UCHL1: variants seen among roughly 807,000 people sequenced by gnomAD.
UCHL1 encodes ubiquitin carboxyl-terminal hydrolase isozyme L1.
Under a neutral mutation model 33.3 loss-of-function variants are expected in UCHL1, and 5 were observed. That is an observed-to-expected ratio of 0.15 (90% CI 0.08 to 0.32). UCHL1 has a LOEUF of 0.32. Among genes scored for constraint, UCHL1 ranks in the 10% least tolerant of loss-of-function variants. The pLI is 1.00. For missense variants in UCHL1, 236 were observed against 280.0 expected, an observed-to-expected ratio of 0.84 and a Z score of 1.12; for synonymous variants, 132 against 108.8, an observed-to-expected ratio of 1.21 and a Z score of -1.33.
chr4:41,262,989 T>C (rs1781096947), intron 6 of UCHL1, among the ~76,000 whole-genome samples: 2 of 152,190 alleles, frequency 1.3e-5, no homozygotes, highest in Admixed American at 6.5e-5. Flanking sequence ...TCTCTAAGCC[T>C]CAATTTTCTC....
Position 41,260,816 on chromosome 4 carries a change from G to C in UCHL1, c.325+19G>C, listed in dbSNP as rs769407848. ...GGATTTGGTAGGTGTGGGTTTTGAG[G>C]CCAGCCATCCTAAGCTTGAACTTGA... is the stretch of plus-strand genomic sequence containing the variant. On this transcript the variant is annotated intron_variant, in intron 4 of 8. Coordinates refer to ENST00000284440, the MANE Select transcript of UCHL1 (RefSeq NM_004181.5). 6.2e-7 allele frequency: 1 copy of C among 1,614,072 alleles called. No individual in the cohort carries two copies. Among genetic ancestry groups the C allele is most frequent in the Non-Finnish European group, 8.5e-7 (1 of 1,179,968 alleles).
rs1470641701 is a variant in UCHL1, at chr4:41,268,138, C to A, written c.*65C>A. The stretch of plus-strand genomic sequence containing the variant: ...TTCAACATGAAAATATATACCCCCC[C>A]ATGCAGTCTAAAATGCTTCAGTACT... On this transcript the variant is annotated 3_prime_UTR_variant, in exon 9 of 9. Coordinates refer to ENST00000284440, the MANE Select transcript of UCHL1 (RefSeq NM_004181.5). The A allele has an allele frequency of 1.4e-6, 2 of 1,447,176 alleles. No homozygotes were observed. The highest frequency in any genetic ancestry group is 2.3e-5 in the East Asian group (1 of 43,208). 89.6% of individuals were successfully genotyped at this position (1,447,176 alleles called of 1,614,324 possible). A position where few individuals can be genotyped will look rare whatever the true frequency, so the allele number is the denominator to read the frequency against.
intron 3 of UCHL1, among the ~76,000 whole-genome samples, chr4:41,258,608 G>A (rs1781022415): frequency 6.6e-6 from 1 of 152,138 alleles, no homozygotes; most frequent in Admixed American, 6.5e-5. Context: ...TCACTTGACC[G>A]CTGATGTGGG....
At chr4:41,258,527 G>A (rs1379003620) in intron 3 of UCHL1, among the ~76,000 whole-genome samples, 1 of 152,080 alleles carries the variant, frequency 6.6e-6, no homozygotes, top group Non-Finnish European at 1.5e-5. Context: ...GGATAGCTAG[G>A]ATATTTGCAG....
intron 6 of UCHL1, among the ~76,000 whole-genome samples, chr4:41,262,427 C>G (rs1289194116): frequency 6.6e-6 from 1 of 152,138 alleles, no homozygotes; most frequent in Non-Finnish European, 1.5e-5. Context: ...GTCTGGGTGA[C>G]CCTGTCTCAA....
chr4:41,262,444 A>G (rs1358304976), intron 6 of UCHL1, among the ~76,000 whole-genome samples: 1 of 152,158 alleles, frequency 6.6e-6, no homozygotes, highest in African/African-American at 2.4e-5. Context: ...TCAATAACAG[A>G]AACAAATGAG....
At chr4:41,266,059 G>A (rs1781147578) in intron 8 of UCHL1, among the ~76,000 whole-genome samples, 1 of 152,098 alleles carries the variant, frequency 6.6e-6, no homozygotes, top group Admixed American at 6.5e-5. Flanking sequence ...CACATGAGTA[G>A]AATTTATAAG....
At chr4:41,258,561 T>A (rs1483074516) in intron 3 of UCHL1, among the ~76,000 whole-genome samples, 1 of 152,142 alleles carries the variant, frequency 6.6e-6, no homozygotes, top group Non-Finnish European at 1.5e-5. Context: ...GGAATCCCAG[T>A]CATTAGCGCA....
chr4:41,264,038 C>G, intron 7 of UCHL1, 65 bp from the exon 8 acceptor site: 1 of 1,604,294 alleles, frequency 6.2e-7, no homozygotes, highest in East Asian at 2.2e-5. Flanking sequence ...TCCATCTAGG[C>G]TAGGTAAGCA....
chr4:41,259,778 C>T (rs913684448), intron 3 of UCHL1, among the ~76,000 whole-genome samples: 7 of 152,180 alleles, frequency 4.6e-5, no homozygotes, highest in Non-Finnish European at 1.0e-4. Flanking sequence ...GATCCTCCTG[C>T]CTCAGCCTCC....
At chr4:41,260,058 G>GC (rs1238505868) in intron 3 of UCHL1, among the ~76,000 whole-genome samples, 1 of 152,164 alleles carries the variant, frequency 6.6e-6, no homozygotes, top group Non-Finnish European at 1.5e-5. Flanking sequence ...TAAAATCACA[G>GC]CCCAATACCC....
intron 4 of UCHL1, 83 bp downstream of exon 4, chr4:41,260,880 AGATGCTGTACCTTTT>A (rs1367757312): frequency 6.9e-6 from 11 of 1,592,198 alleles, no homozygotes; most frequent in Non-Finnish European, 8.6e-6. Context: ...CCGAGGTCAG[AGATGCTGTACCTTTT>A]GAAACCATTT....
At chr4:41,263,138 C>T (rs1781099773) in intron 6 of UCHL1, 87 bp from the exon 7 acceptor site, 9 of 1,031,290 alleles carry the variant, frequency 8.7e-6, no homozygotes, top group South Asian at 1.3e-5. Flanking sequence ...AAAATCAAGT[C>T]AGTTCAAGCA....
intron 4 of UCHL1, 26 bp from the exon 5 acceptor site, chr4:41,261,689 A>G (rs753316777): frequency 5.6e-6 from 9 of 1,601,426 alleles, no homozygotes; most frequent in Non-Finnish European, 7.7e-6. Context: ...TTTTACCTAT[A>G]CTAACACATC....
chr4:41,264,937 A>ACC (rs1343352892), intron 8 of UCHL1, among the ~76,000 whole-genome samples: 1 of 152,248 alleles, frequency 6.6e-6, no homozygotes, highest in African/African-American at 2.4e-5. Context: ...CTGTGTGCAG[A>ACC]CCAGGACTCA....
At chr4:41,257,566 C>T (rs753345185) in intron 2 of UCHL1, 43 bp from the exon 3 acceptor site, 9 of 1,471,400 alleles carry the variant, frequency 6.1e-6, no homozygotes, top group Middle Eastern at 2.4e-4. Context: ...GCCCGCGACC[C>T]GCGTGTCCCC....
chr4:41,260,503 C>T (rs1394944652), intron 3 of UCHL1, 144 bp from the exon 4 acceptor site: 1 of 1,023,648 alleles, frequency 9.8e-7, no homozygotes, highest in Non-Finnish European at 1.5e-6. Flanking sequence ...ACGGGCCCTT[C>T]TCTGGGAGTC....
At chr4:41,258,813 A>G (rs1781025216) in intron 3 of UCHL1, among the ~76,000 whole-genome samples, 1 of 152,208 alleles carries the variant, frequency 6.6e-6, no homozygotes, top group Non-Finnish European at 1.5e-5. Flanking sequence ...TAATAAGATG[A>G]TCTCACTGAC....
In UCHL1 at chr4:41,257,598, C is replaced by G; in HGVS notation, c.46-11C>G. 6.6e-7 allele frequency: 1 copy of G among 1,523,816 alleles called. No individual in the cohort carries two copies. The highest frequency in any genetic ancestry group is 8.7e-7 in the Non-Finnish European group (1 of 1,142,948). The allele number at this position is 1,523,816 out of a possible 1,614,324, so 94.4% of individuals were successfully genotyped here. ...CCCCGTGCGCCTGGCCGCCTTGTCTCCTCTCCGCAGGTGCTGTCCCGGCTG... is the reference window on the plus strand; with the variant it reads ...CCCCGTGCGCCTGGCCGCCTTGTCTGCTCTCCGCAGGTGCTGTCCCGGCTG... On this transcript the variant is annotated splice_polypyrimidine_tract_variant and intron_variant, in intron 2 of 8. Transcript: ENST00000284440.
Sources: allele counts gnomAD v4.1 joint callset (sites outside exome capture counted in the v4.1 genomes callset), GRCh38; gene constraint gnomAD v4.1.1; transcripts MANE v1.5; gene names NCBI Gene and HGNC (gene_info 2026-07-23, HGNC 2026-07-21).